KIAA1958: variants seen among roughly 807,000 people sequenced by gnomAD.
KIAA1958 encodes the protein KIAA1958.
A neutral mutation model predicts 47.2 loss-of-function variants in KIAA1958; 14 were observed. That is an observed-to-expected ratio of 0.30 (90% confidence interval 0.20 to 0.46). KIAA1958 has a LOEUF of 0.46. Ranked by LOEUF, KIAA1958 falls within the 20% of genes least tolerant of loss-of-function variation. The probability of loss-of-function intolerance (pLI) is 1.00; values close to 1 mark genes in which losing one functional copy is unlikely to be tolerated. For missense variants in KIAA1958, 803 were observed against 909.2 expected (o/e 0.88, Z 1.50); for synonymous variants, 354 against 353.3 (o/e 1.00, Z -0.02).
chr9:112,487,405 G>T (rs903784156), intron 1 of KIAA1958, among the ~76,000 whole-genome samples: 1 of 151,852 alleles, frequency 6.6e-6, no homozygotes, highest in Non-Finnish European at 1.5e-5. Context: ...CCGCCCCGCC[G>T]CCCGGCAGCT....
rs1296397893 is a variant in KIAA1958 at position 112,661,031 on chromosome 9, C to T, written c.*962C>T. The T allele has an allele frequency of 6.6e-6, 1 of 152,130 alleles. No individual in the cohort carries two copies. Among genetic ancestry groups the T allele is most frequent in the African/African-American group, 2.4e-5 (1 of 41,430 alleles). The allele number at this position is 152,130 out of a possible 1,614,324, so 9.4% of individuals were successfully genotyped here. ...AACTAAAGGTAATTTTTAGTCTTAG[C>T]CAAGAAAAGCTAACCAAACAAGCTG... On this transcript the variant is annotated 3_prime_UTR_variant, in exon 4 of 4. Coordinates refer to ENST00000337530, the MANE Select transcript of KIAA1958 (RefSeq NM_133465.4).
At chr9:112,509,732 G>A (rs927421485) in intron 1 of KIAA1958, among the ~76,000 whole-genome samples, 3 of 152,186 alleles carry the variant, frequency 2.0e-5, no homozygotes, top group Non-Finnish European at 4.4e-5. Context: ...AAGAAAGAGA[G>A]GTTGAAACAT....
intron 1 of KIAA1958, among the ~76,000 whole-genome samples, chr9:112,502,555 A>AT (rs909251438): frequency 7.2e-5 from 11 of 152,212 alleles, no homozygotes; most frequent in Non-Finnish European, 4.4e-5. Flanking sequence ...GCTTTCCATG[A>AT]TTATCACTTT....
At chr9:112,579,346 C>G (rs576810964) in intron 2 of KIAA1958, among the ~76,000 whole-genome samples, 1 of 152,172 alleles carries the variant, frequency 6.6e-6, no homozygotes, top group South Asian at 2.1e-4. Context: ...AAATATTTCT[C>G]TGTATTTCCC....
At chr9:112,649,259 G>T (rs539084929) in intron 3 of KIAA1958, among the ~76,000 whole-genome samples, 1 of 152,036 alleles carries the variant, frequency 6.6e-6, no homozygotes, top group African/African-American at 2.4e-5. Flanking sequence ...CTGGGCTCAA[G>T]TGGTCCTTCC....
At chr9:112,580,868 A>G (rs559610659) in intron 2 of KIAA1958, among the ~76,000 whole-genome samples, 8 of 152,146 alleles carry the variant, frequency 5.3e-5, no homozygotes, top group Non-Finnish European at 1.2e-4. Context: ...TAGTTTCCTG[A>G]AGGAAGAGCT....
chr9:112,622,016 A>C (rs1836518042), intron 2 of KIAA1958, among the ~76,000 whole-genome samples: 1 of 152,192 alleles, frequency 6.6e-6, no homozygotes, highest in Admixed American at 6.5e-5. Flanking sequence ...TGCTGGCGTT[A>C]TCTCTTGGAG....
chr9:112,598,846 G>A (rs1007569927), intron 2 of KIAA1958, among the ~76,000 whole-genome samples: 5 of 152,104 alleles, frequency 3.3e-5, no homozygotes, highest in Non-Finnish European at 5.9e-5. Context: ...GGAGGCCTGG[G>A]TGGGAGGATC....
chr9:112,595,042 A>G (rs545152393), intron 2 of KIAA1958, among the ~76,000 whole-genome samples: 5 of 152,342 alleles, frequency 3.3e-5, no homozygotes, highest in Non-Finnish European at 7.4e-5. Flanking sequence ...AGGGACATCC[A>G]TATATTTTCA....
intron 1 of KIAA1958, among the ~76,000 whole-genome samples, chr9:112,526,708 T>A (rs1223873688): frequency 6.6e-6 from 1 of 152,160 alleles, no homozygotes; most frequent in Non-Finnish European, 1.5e-5. Context: ...TAAACATGAT[T>A]TTTAAATAAC....
At chr9:112,595,808 G>A (rs1014497271) in intron 2 of KIAA1958, among the ~76,000 whole-genome samples, 14 of 149,556 alleles carry the variant, frequency 9.4e-5, no homozygotes, top group East Asian at 3.9e-4. Context: ...TTTTTGAGAC[G>A]GAGTTTCACT....
intron 1 of KIAA1958, among the ~76,000 whole-genome samples, chr9:112,518,559 G>C (rs976386774): frequency 4.6e-5 from 7 of 152,168 alleles, no homozygotes; most frequent in African/African-American, 1.7e-4. Flanking sequence ...CCTTAAGAGT[G>C]GTTGTGAGAT....
intron 1 of KIAA1958, among the ~76,000 whole-genome samples, chr9:112,572,629 G>C (rs2676621): frequency 0.96 from 145,444 of 152,250 alleles, 69,550 homozygotes; most frequent in African/African-American, 0.99. Flanking sequence ...GGAAGTAGCC[G>C]CAGGTTCAGT....
chr9:112,596,390 TA>T (rs1422021435), intron 2 of KIAA1958, among the ~76,000 whole-genome samples: 1 of 152,208 alleles, frequency 6.6e-6, no homozygotes, highest in African/African-American at 2.4e-5. Flanking sequence ...TACAGGTTAC[TA>T]GCTTTTTAAC....
chr9:112,656,734 C>T (rs902661914), intron 3 of KIAA1958, among the ~76,000 whole-genome samples: 1 of 152,112 alleles, frequency 6.6e-6, no homozygotes, highest in Non-Finnish European at 1.5e-5. Context: ...GAACAATATA[C>T]ATCTTTGACA....
chr9:112,605,202 A>G (rs930874422), intron 2 of KIAA1958, among the ~76,000 whole-genome samples: 36 of 152,164 alleles, frequency 2.4e-4, no homozygotes, highest in African/African-American at 8.7e-4. Context: ...ACAGGTAACT[A>G]TGTAGGACAA....
At position 112,663,339 on chromosome 9, in the gene KIAA1958, A is replaced by T. The variant is rs565536862; in HGVS notation, c.*3270A>T. 1.1e-4 allele frequency: 17 copies of T among 152,222 alleles called. No individual in the cohort carries two copies. The highest frequency in any genetic ancestry group is 3.4e-4 in the African/African-American group (14 of 41,520). 9.4% of individuals were successfully genotyped at this position (152,222 alleles called of 1,614,324 possible). A position where few individuals can be genotyped will look rare whatever the true frequency, so the allele number is the denominator to read the frequency against. On this transcript the variant is annotated 3_prime_UTR_variant, in exon 4 of 4. Coordinates refer to ENST00000337530, the MANE Select transcript of KIAA1958 (RefSeq NM_133465.4). ...CACCTTAAAGGGTGTGATTCAATTG[A>T]ATATAGTTTAGTGCGGTACCAGGCA...
intron 2 of KIAA1958, among the ~76,000 whole-genome samples, chr9:112,593,148 A>G (rs1835952797): frequency 6.6e-6 from 1 of 152,190 alleles, no homozygotes; most frequent in South Asian, 2.1e-4. Context: ...TTTTAAAATT[A>G]AATTTAAATT....
Position 112,664,917 on chromosome 9 carries a change from T to G in KIAA1958, c.*4848T>G, listed in dbSNP as rs547548692. On this transcript the variant is annotated 3_prime_UTR_variant, in exon 4 of 4. Transcript: ENST00000337530. ...AGGCTGTCCACGCTTCAGGCAAAGTTTACCCATTATTATTATGATTTTGAA... is the reference window on the plus strand; with the variant it reads ...AGGCTGTCCACGCTTCAGGCAAAGTGTACCCATTATTATTATGATTTTGAA... 2.8e-4 allele frequency: 42 copies of G among 152,298 alleles called. No individual in the cohort carries two copies. The highest frequency in any genetic ancestry group is 5.4e-4 in the Non-Finnish European group (37 of 68,020). The allele number at this position is 152,298 out of a possible 1,614,324, so 9.4% of individuals were successfully genotyped here. A position where few individuals can be genotyped will look rare whatever the true frequency, so the allele number is the denominator to read the frequency against.
Sources: allele counts gnomAD v4.1 joint callset (sites outside exome capture counted in the v4.1 genomes callset), GRCh38; gene constraint gnomAD v4.1.1; transcripts MANE v1.5; gene names NCBI Gene and HGNC (gene_info 2026-07-23, HGNC 2026-07-21).